The following MYT1L variants were observed in gnomAD, a reference collection of about 807,000 sequenced individuals.
The protein encoded by MYT1L is myelin transcription factor 1-like protein.
Under a neutral mutation model 126.7 loss-of-function variants are expected in MYT1L, and 12 were observed. The observed-to-expected ratio is 0.09, with a 90% CI of 0.06 to 0.15. MYT1L has a LOEUF of 0.15. MYT1L is among the 10% of genes least tolerant of loss of function. MYT1L has a pLI of 1.00. For missense variants in MYT1L, 979 were observed against 1,585.2 expected (o/e 0.62, Z 6.49); for synonymous variants, 541 against 604.2 (o/e 0.90, Z 1.53).
intron 8 of MYT1L, among the ~76,000 whole-genome samples, chr2:1,970,558 G>A (rs2059736283): frequency 6.6e-6 from 1 of 152,226 alleles, no homozygotes; most frequent in Non-Finnish European, 1.5e-5. Flanking sequence ...GTGGTCGGCA[G>A]AGGCTCCAGG....
chr2:2,011,352 G>C (rs1396459015), intron 4 of MYT1L, among the ~76,000 whole-genome samples: 1 of 151,184 alleles, frequency 6.6e-6, no homozygotes, highest in Admixed American at 6.6e-5. Flanking sequence ...GCAGTGAGCC[G>C]AGATTGCGCC....
intron 21 of MYT1L, chr2:1,825,746 T>C (rs1180265904): frequency 1.3e-5 from 2 of 152,232 alleles, no homozygotes; most frequent in African/African-American, 4.8e-5. Flanking sequence ...GGACAGAGAC[T>C]GTCTTGAAAT....
intron 2 of MYT1L, among the ~76,000 whole-genome samples, chr2:2,243,338 T>C (rs17338393): frequency 0.084 from 12,846 of 152,310 alleles, 607 homozygotes; most frequent in South Asian, 0.14. Flanking sequence ...CAAAATGATT[T>C]ATGTAAAATA....
chr2:1,901,660 C>T lies in MYT1L; in HGVS notation c.2032+1420G>A, dbSNP rs76591156. Among the ~76,000 whole-genome samples the T allele has an allele frequency of 3.1e-3, 469 of 152,254 alleles. 2 individuals carry two copies. The highest frequency in any genetic ancestry group is 0.011 in the African/African-American group (452 of 41,550). On this transcript the variant is annotated intron_variant, in intron 14 of 24. Transcript: ENST00000647738. ...GAATAATAAAAATGGTTTCTGAAGT[C>T]CCCAAGCATTCAGTTTAAATATTGT...
At chr2:1,871,179 G>A (rs2046240349) in intron 18 of MYT1L, among the ~76,000 whole-genome samples, 1 of 152,196 alleles carries the variant, frequency 6.6e-6, no homozygotes, top group Non-Finnish European at 1.5e-5. Context: ...CTGATGGATT[G>A]AAAATCAAGT....
In MYT1L at chr2:1,979,301, GAGA is replaced by G. The variant is rs1437158463; in HGVS notation, c.90-77_90-75del. 1.5e-5 allele frequency: 21 copies of G among 1,370,254 alleles called. No homozygotes were observed. The East Asian group carries it at 4.7e-4, about 30-fold the overall frequency. 84.9% of individuals were successfully genotyped at this position (1,370,254 alleles called of 1,614,324 possible). On this transcript the variant is annotated intron_variant, in intron 7 of 24. Transcript: ENST00000647738. This position sits in a 1 kb window ranked among gnomAD's most constrained non-coding sequence, Gnocchi z 4.0. ...GACGGAAAGCTTCCGTGGCAGCAGA[GAGA>G]AGGAGGGCGGCTCAGACAGAGGAGA...
chr2:2,263,308 C>T (rs966227097), intron 2 of MYT1L, among the ~76,000 whole-genome samples: 2 of 151,966 alleles, frequency 1.3e-5, no homozygotes, highest in Non-Finnish European at 2.9e-5. Flanking sequence ...GGCCAATCAC[C>T]TCCCAGCTCC....
intron 21 of MYT1L, among the ~76,000 whole-genome samples, chr2:1,820,031 T>TGG (rs10713046): frequency 1.8e-4 from 20 of 112,228 alleles, no homozygotes; most frequent in African/African-American, 5.4e-4. Context: ...CAGAGGGCAG[T>TGG]GGGGGGGGGC....
chr2:2,290,934 C>T (rs2095589818), intron 1 of MYT1L, among the ~76,000 whole-genome samples: 1 of 152,076 alleles, frequency 6.6e-6, no homozygotes, highest in South Asian at 2.1e-4. Context: ...GCTGTATGAA[C>T]TTCAAAACAC....
At chr2:2,088,588 A>G (rs532866393) in intron 3 of MYT1L, among the ~76,000 whole-genome samples, 1 of 152,172 alleles carries the variant, frequency 6.6e-6, no homozygotes, top group African/African-American at 2.4e-5. Flanking sequence ...GCTGCGTCCA[A>G]CCTGCACTAA....
chr2:1,900,647 G>C (rs2050219253), intron 14 of MYT1L, among the ~76,000 whole-genome samples: 1 of 152,204 alleles, frequency 6.6e-6, no homozygotes, highest in African/African-American at 2.4e-5. Flanking sequence ...TGGAAGCAGA[G>C]TGTCACTAAA....
chr2:2,117,726 C>G (rs1460123508), intron 3 of MYT1L, among the ~76,000 whole-genome samples: 1 of 151,978 alleles, frequency 6.6e-6, no homozygotes, highest in Non-Finnish European at 1.5e-5. Flanking sequence ...AGGATCATCA[C>G]AATAAAAACT....
chr2:1,947,235 C>T (rs2057312176), intron 8 of MYT1L, among the ~76,000 whole-genome samples: 1 of 152,160 alleles, frequency 6.6e-6, no homozygotes, highest in African/African-American at 2.4e-5. Context: ...CATTTTCTCC[C>T]TGCTCATTCA....
At chr2:1,798,840 TC>T (rs1304591422) in intron 23 of MYT1L, among the ~76,000 whole-genome samples, 1 of 152,110 alleles carries the variant, frequency 6.6e-6, no homozygotes, top group Admixed American at 6.5e-5. Flanking sequence ...TCCTCCATAC[TC>T]CCCGGGCAGT....
At chr2:2,244,537 C>G (rs913006217) in intron 2 of MYT1L, among the ~76,000 whole-genome samples, 3 of 152,184 alleles carry the variant, frequency 2.0e-5, no homozygotes, top group Admixed American at 1.3e-4. Context: ...GATTGAACAT[C>G]CCAAGTTTCA....
intron 15 of MYT1L, 105 bp downstream of exon 15, chr2:1,891,932 T>C (rs2048933567): frequency 2.8e-6 from 4 of 1,430,838 alleles, no homozygotes; most frequent in Middle Eastern, 2.6e-4. Flanking sequence ...ATCACGGCGT[T>C]TGCCCCATAC....
intron 2 of MYT1L, among the ~76,000 whole-genome samples, chr2:2,281,677 G>A (rs2095448469): frequency 6.6e-6 from 1 of 152,126 alleles, no homozygotes; most frequent in Non-Finnish European, 1.5e-5. Flanking sequence ...ATAGAAATTA[G>A]CCCATAGAAC....
At chr2:2,175,597 G>A (rs2090646349) in intron 2 of MYT1L, among the ~76,000 whole-genome samples, 1 of 150,906 alleles carries the variant, frequency 6.6e-6, no homozygotes, top group Admixed American at 6.6e-5. Context: ...ACCGTAAGGA[G>A]AAGGCGAAAC....
At chr2:2,278,611 C>A (rs1573089350) in intron 2 of MYT1L, among the ~76,000 whole-genome samples, 1 of 152,096 alleles carries the variant, frequency 6.6e-6, no homozygotes, top group African/African-American at 2.4e-5. Flanking sequence ...GTGTGCATAT[C>A]TAACATATTA....
Sources: allele counts gnomAD v4.1 joint callset (sites outside exome capture counted in the v4.1 genomes callset), GRCh38; gene constraint gnomAD v4.1.1; non-coding constraint Gnocchi (gnomAD v3.1); transcripts MANE v1.5; gene names NCBI Gene and HGNC (gene_info 2026-07-23, HGNC 2026-07-21).